The following CELF2 variants were observed in gnomAD, a reference collection of about 807,000 sequenced individuals.
CELF2 encodes the protein CUG triplet repeat RNA-binding protein 2.
In CELF2, 8 loss-of-function variants were observed where a neutral mutation model predicts 62.6. The ratio of observed to expected loss-of-function variants is 0.13; its 90% confidence interval spans 0.07 to 0.23. The LOEUF is 0.23. Ranked by LOEUF, CELF2 falls within the 10% of genes least tolerant of loss-of-function variation. The pLI is 1.00. For missense variants in CELF2, 333 were observed against 671.0 expected (o/e 0.50, Z 5.56); for synonymous variants, 258 against 250.0 (o/e 1.03, Z -0.30).
At chr10:10,998,054 G>A (rs2054152920) in intron 2 of CELF2, among the ~76,000 whole-genome samples, 1 of 152,160 alleles carries the variant, frequency 6.6e-6, no homozygotes, top group African/African-American at 2.4e-5. Context: ...TCTCTTGCCT[G>A]CCACCATGTA....
the CELF2 span, among the ~76,000 whole-genome samples, chr10:10,530,919 G>C: frequency 7.9e-5 from 12 of 152,188 alleles, no homozygotes; most frequent in Admixed American, 5.2e-4. Flanking sequence ...ACCAGAGGGT[G>C]GACATACACC....
chr10:10,491,566 C>G, the CELF2 span, among the ~76,000 whole-genome samples: 1 of 152,166 alleles, frequency 6.6e-6, no homozygotes, highest in Non-Finnish European at 1.5e-5. Context: ...CTGCATGAAG[C>G]CCATTGTTAC....
At chr10:11,250,328 G>A (rs1029791140) in intron 4 of CELF2, among the ~76,000 whole-genome samples, 9 of 152,186 alleles carry the variant, frequency 5.9e-5, no homozygotes, top group African/African-American at 2.2e-4. Context: ...GGGCAACATA[G>A]ATATATAAAT....
the CELF2 span, among the ~76,000 whole-genome samples, chr10:10,638,183 A>G: frequency 6.6e-6 from 1 of 152,192 alleles, no homozygotes; most frequent in Non-Finnish European, 1.5e-5. Flanking sequence ...CCCCCAGGTG[A>G]GCATCCTTGA....
chr10:11,016,373 A>G (rs903562200), upstream of CELF2, among the ~76,000 whole-genome samples: 2 of 152,218 alleles, frequency 1.3e-5, no homozygotes, highest in African/African-American at 2.4e-5. The surrounding 1 kb of genome is among the most constrained non-coding windows in gnomAD (Gnocchi z 5.2). Flanking sequence ...GTTTAGCCCT[A>G]CATCTAATGA....
At chr10:10,608,552 C>A in the CELF2 span, among the ~76,000 whole-genome samples, 9 of 152,124 alleles carry the variant, frequency 5.9e-5, no homozygotes, top group African/African-American at 2.2e-4. Context: ...TCTTTAATGG[C>A]TGTTCTTTAA....
At chr10:10,900,433 A>C (rs892203363) in intron 1 of CELF2, among the ~76,000 whole-genome samples, 6 of 152,238 alleles carry the variant, frequency 3.9e-5, no homozygotes, top group African/African-American at 1.4e-4. Flanking sequence ...ATAATTTATC[A>C]CATTAATAAG....
chr10:11,120,079 G>A (rs1237369415), intron 1 of CELF2, among the ~76,000 whole-genome samples: 1 of 152,082 alleles, frequency 6.6e-6, no homozygotes, highest in Non-Finnish European at 1.5e-5. Flanking sequence ...AATTCTCCAG[G>A]TGAAAGGAGA....
chr10:11,116,862 CACTT>C (rs1198519048), intron 1 of CELF2, among the ~76,000 whole-genome samples: 24 of 152,220 alleles, frequency 1.6e-4, no homozygotes, highest in Non-Finnish European at 2.6e-4. Flanking sequence ...CGTTAACCAA[CACTT>C]ACACAACACC....
the CELF2 span, among the ~76,000 whole-genome samples, chr10:10,512,717 G>A: frequency 6.6e-6 from 1 of 152,094 alleles, no homozygotes; most frequent in Non-Finnish European, 1.5e-5. Flanking sequence ...TCCTGGTCTA[G>A]AACTCTTAAC....
rs1253191025 is a variant in CELF2 at position 11,328,651 on chromosome 10, C to CCAAA, written c.1439-271_1439-268dup. ...GTTCAGTAAGTGGAACTGAATTCAGCCAAACAATTGAGTCTGAGGTTTCAG... is the reference window on the plus strand; with the variant it reads ...GTTCAGTAAGTGGAACTGAATTCAGCCAAACAAACAATTGAGTCTGAGGTTTCAG... On this transcript the variant is annotated intron_variant, in intron 12 of 12. Transcript: ENST00000633077. The surrounding 1 kb of genome is among the most constrained non-coding windows in gnomAD (Gnocchi z 6.4). Among the ~76,000 whole-genome samples, 7 of 152,344 alleles carry CCAAA rather than the reference C, an allele frequency of 4.6e-5. No individual in the cohort carries two copies. Among genetic ancestry groups the CCAAA allele is most frequent in the African/African-American group, 1.4e-4 (6 of 41,582 alleles).
At chr10:10,916,079 A>G (rs1048956187) in intron 1 of CELF2, among the ~76,000 whole-genome samples, 2 of 152,258 alleles carry the variant, frequency 1.3e-5, no homozygotes, top group African/African-American at 4.8e-5. Flanking sequence ...ATCTAGAAGC[A>G]TGGGATATTC....
intron 1 of CELF2, among the ~76,000 whole-genome samples, chr10:10,894,552 T>G (rs2062400418): frequency 6.6e-6 from 1 of 152,206 alleles, no homozygotes; most frequent in Non-Finnish European, 1.5e-5. Context: ...TCCCAGGCCC[T>G]GGTTTCAATC....
In CELF2 at chr10:11,005,913, C is replaced by T. The variant is rs753967783; in HGVS notation, c.53+473C>T. Among the ~76,000 whole-genome samples the T allele has an allele frequency of 3.9e-5, 6 of 152,188 alleles. No homozygotes were observed. Among genetic ancestry groups the T allele is most frequent in the Non-Finnish European group, 8.8e-5 (6 of 68,032 alleles). ...CTACCTAAATAGTCCTCCTGTGTTACCAGGTTTGGATCACTTTATCCTGTT... is the reference window on the plus strand; with the variant it reads ...CTACCTAAATAGTCCTCCTGTGTTATCAGGTTTGGATCACTTTATCCTGTT... On this transcript the variant is annotated intron_variant, in intron 1 of 12. Transcript: ENST00000416382. The surrounding 1 kb of genome is among the most constrained non-coding windows in gnomAD (Gnocchi z 4.3).
chr10:10,854,776 A>G (rs2059605078), intron 1 of CELF2, among the ~76,000 whole-genome samples: 1 of 152,008 alleles, frequency 6.6e-6, no homozygotes, highest in South Asian at 2.1e-4. Context: ...ATGTATAAAT[A>G]TTAAAATATC....
chr10:10,797,713 G>A (rs1388119292), upstream of CELF2, among the ~76,000 whole-genome samples: 1 of 152,192 alleles, frequency 6.6e-6, no homozygotes, highest in East Asian at 1.9e-4. Context: ...AGGATCCTGA[G>A]GGCAGGAGGA....
At chr10:11,061,103 A>C (rs1319923794) in intron 1 of CELF2, among the ~76,000 whole-genome samples, 2 of 152,278 alleles carry the variant, frequency 1.3e-5, no homozygotes, top group Non-Finnish European at 2.9e-5. Flanking sequence ...AGAAACGCTG[A>C]AAGCTGGGTC....
chr10:11,321,099 T>C lies in CELF2; in HGVS notation c.1097-90T>C, dbSNP rs1265882879. On this transcript the variant is annotated intron_variant, in intron 10 of 12. Coordinates refer to ENST00000633077, the MANE Select transcript of CELF2 (RefSeq NM_001326342.2). The surrounding 1 kb of genome is among the most constrained non-coding windows in gnomAD (Gnocchi z 6.2). ...TGCTAGCTGCATGTACTTGCTGTTG[T>C]ACTGTGTTTAAATGATTCTCTAACT... The C allele has an allele frequency of 2.1e-6, 3 of 1,397,942 alleles. No individual in the cohort carries two copies. In the East Asian group the frequency reaches 6.9e-5, roughly 32 times the overall value. 86.6% of individuals were successfully genotyped at this position (1,397,942 alleles called of 1,614,324 possible).
Position 11,334,500 on chromosome 10 carries a change from G to A in CELF2, c.*5447G>A, listed in dbSNP as rs1396074300. On this transcript the variant is annotated 3_prime_UTR_variant, in exon 13 of 13. Transcript: ENST00000633077. ...GTCGATTCCACTTAAGTGAATATCT[G>A]ATTTGGGGAAGAGGAAACTGCACAG... 1 of 152,610 alleles carries A rather than the reference G, an allele frequency of 6.6e-6. No homozygotes were observed. The highest frequency in any genetic ancestry group is 1.5e-5 in the Non-Finnish European group (1 of 68,034). 9.5% of individuals were successfully genotyped at this position (152,610 alleles called of 1,614,324 possible).
Sources: allele counts gnomAD v4.1 joint callset (sites outside exome capture counted in the v4.1 genomes callset), GRCh38; gene constraint gnomAD v4.1.1; non-coding constraint Gnocchi (gnomAD v3.1); transcripts MANE v1.5; gene names NCBI Gene and HGNC (gene_info 2026-07-23, HGNC 2026-07-21).